Variants in ZNF704 observed in about 807,000 individuals in gnomAD.
ZNF704 encodes glucocorticoid induced gene 1.
ZNF704 carries 10 observed loss-of-function variants against 44.7 expected under a neutral mutation model. The ratio of observed to expected loss-of-function variants is 0.22; its 90% confidence interval spans 0.14 to 0.38. ZNF704 has a LOEUF of 0.38. ZNF704 is among the 10% of genes least tolerant of loss of function. The pLI is 1.00. For synonymous variants in ZNF704, 211 were observed against 207.6 expected (o/e 1.02, Z -0.14); for missense variants, 390 against 545.5 (o/e 0.71, Z 2.84).
intron 2 of ZNF704, chr8:80,776,555 A>G (rs1373884789): frequency 1.3e-5 from 2 of 152,246 alleles, no homozygotes; most frequent in African/African-American, 4.8e-5. Flanking sequence ...TAATAATAAA[A>G]AACCTGCAAA....
At chr8:80,839,860 A>AGGC (rs1409410013) in intron 1 of ZNF704, among the ~76,000 whole-genome samples, 1 of 149,532 alleles carries the variant, frequency 6.7e-6, no homozygotes, top group Non-Finnish European at 1.5e-5. Flanking sequence ...GAGAGAGAGT[A>AGGC]AATGAATACA....
chr8:80,812,938 T>C (rs903179218), intron 2 of ZNF704, among the ~76,000 whole-genome samples: 1 of 152,246 alleles, frequency 6.6e-6, no homozygotes, highest in Non-Finnish European at 1.5e-5. Flanking sequence ...AATCTCATTA[T>C]TTCTATTTCT....
chr8:80,641,319 A>G lies in ZNF704; in HGVS notation c.*47T>C, dbSNP rs762363761. 7.8e-7 allele frequency: 1 copy of G among 1,275,586 alleles called. No individual in the cohort carries two copies. The allele number at this position is 1,275,586 out of a possible 1,614,324, so 79.0% of individuals were successfully genotyped here. Reference sequence around the variant, plus strand: ...TTTCCAACACCTGCAGTGGCAGGCCAGGGCAGGAGCGGCTCAGGGCCCTGA... The same window carrying G: ...TTTCCAACACCTGCAGTGGCAGGCCGGGGCAGGAGCGGCTCAGGGCCCTGA... On this transcript the variant is annotated 3_prime_UTR_variant, in exon 9 of 9. Transcript: ENST00000327835.
intron 1 of ZNF704, among the ~76,000 whole-genome samples, chr8:80,831,800 ACTGACAGCTTC>A (rs1183660558): frequency 6.6e-6 from 1 of 152,208 alleles, no homozygotes; most frequent in Non-Finnish European, 1.5e-5. Flanking sequence ...TAGGTAAGAA[ACTGACAGCTTC>A]CTGTAGGAGA....
At chr8:80,810,559 T>C (rs974134734) in intron 2 of ZNF704, among the ~76,000 whole-genome samples, 17 of 152,180 alleles carry the variant, frequency 1.1e-4, no homozygotes, top group Admixed American at 5.2e-4. Flanking sequence ...CTTGGTATGT[T>C]TGAACTGCTC....
At chr8:80,794,876 A>G (rs111263187) in intron 2 of ZNF704, among the ~76,000 whole-genome samples, 2 of 152,238 alleles carry the variant, frequency 1.3e-5, no homozygotes, top group Non-Finnish European at 2.9e-5. Flanking sequence ...TCTGGTTTCT[A>G]TGATGCCATG....
At chr8:80,848,950 C>G (rs1354914732) in intron 1 of ZNF704, among the ~76,000 whole-genome samples, 3 of 152,092 alleles carry the variant, frequency 2.0e-5, no homozygotes, top group Non-Finnish European at 2.9e-5. Flanking sequence ...TCTGAATTTT[C>G]CACTATGCCA....
intron 1 of ZNF704, among the ~76,000 whole-genome samples, chr8:80,859,012 T>C (rs1809014088): frequency 6.6e-6 from 1 of 152,230 alleles, no homozygotes; most frequent in Non-Finnish European, 1.5e-5. Flanking sequence ...AATCTTACTT[T>C]TTGTTACCAA....
Position 80,634,207 on chromosome 8 carries a change from G to C in ZNF704, c.*7159C>G, listed in dbSNP as rs534231840. ...GCCCCTCATCACAGTGGCCACGGTA[G>C]AAAACACTAAGAAAATTAGGATAAC... On this transcript the variant is annotated 3_prime_UTR_variant, in exon 9 of 9. Transcript: ENST00000327835. The C allele has an allele frequency of 1.3e-5, 2 of 152,358 alleles. No homozygotes were observed. The highest frequency in any genetic ancestry group is 2.9e-5 in the Non-Finnish European group (2 of 68,052). The allele number at this position is 152,358 out of a possible 1,614,324, so 9.4% of individuals were successfully genotyped here.
intron 2 of ZNF704, among the ~76,000 whole-genome samples, chr8:80,790,639 C>T (rs903727613): frequency 2.0e-5 from 3 of 151,864 alleles, no homozygotes; most frequent in Admixed American, 2.0e-4. Flanking sequence ...AGTGCAAGAG[C>T]GGGAGGTGGG....
intron 2 of ZNF704, among the ~76,000 whole-genome samples, chr8:80,703,073 A>T (rs1292100602): frequency 6.6e-6 from 1 of 152,118 alleles, no homozygotes; most frequent in Non-Finnish European, 1.5e-5. Flanking sequence ...TTGCCCTCAC[A>T]TGAGACTTAA....
At chr8:80,717,762 T>C (rs1819094555) in intron 2 of ZNF704, among the ~76,000 whole-genome samples, 1 of 152,200 alleles carries the variant, frequency 6.6e-6, no homozygotes, top group South Asian at 2.1e-4. Flanking sequence ...CCTAGTGATC[T>C]TGTTGAAATG....
intron 4 of ZNF704, among the ~76,000 whole-genome samples, chr8:80,672,348 A>T (rs1010464806): frequency 2.6e-5 from 4 of 152,238 alleles, no homozygotes; most frequent in African/African-American, 9.6e-5. Flanking sequence ...CCACTGTGGA[A>T]GGCAGTTTGG....
chr8:80,714,977 T>A (rs1458204610), intron 2 of ZNF704, among the ~76,000 whole-genome samples: 1 of 152,176 alleles, frequency 6.6e-6, no homozygotes, highest in Non-Finnish European at 1.5e-5. Flanking sequence ...CAATAGTGAT[T>A]TCTAAGATTA....
intron 2 of ZNF704, among the ~76,000 whole-genome samples, chr8:80,803,757 C>G (rs929889946): frequency 2.0e-5 from 3 of 152,088 alleles, no homozygotes; most frequent in Admixed American, 6.6e-5. Flanking sequence ...CAATAACATT[C>G]AGGACATAGG....
chr8:80,802,932 G>A (rs188792176), intron 2 of ZNF704, among the ~76,000 whole-genome samples: 38 of 152,210 alleles, frequency 2.5e-4, no homozygotes, highest in African/African-American at 7.9e-4. Context: ...CCTATATCTA[G>A]AAAATCCCAT....
intron 1 of ZNF704, among the ~76,000 whole-genome samples, chr8:80,866,038 G>C (rs945999663): frequency 1.3e-5 from 2 of 152,016 alleles, no homozygotes; most frequent in Non-Finnish European, 2.9e-5. Context: ...ATTTCATCTA[G>C]TAAATAAGAG....
intron 1 of ZNF704, among the ~76,000 whole-genome samples, chr8:80,822,245 T>A (rs1263888367): frequency 6.6e-6 from 1 of 152,018 alleles, no homozygotes; most frequent in Admixed American, 6.5e-5. Context: ...ACATTAGGTA[T>A]ATCTCCTAAT....
intron 2 of ZNF704, among the ~76,000 whole-genome samples, chr8:80,770,949 G>C (rs1416901874): frequency 1.3e-5 from 2 of 152,058 alleles, no homozygotes; most frequent in South Asian, 2.1e-4. Flanking sequence ...ATATCCAATT[G>C]CTTCTCCACC....
Sources: gnomAD v4.1 joint callset for allele counts (sites outside exome capture counted in the v4.1 genomes callset) on GRCh38, gnomAD v4.1.1 for gene constraint, MANE v1.5 for transcripts, NCBI Gene and HGNC (gene_info 2026-07-23, HGNC 2026-07-21) for gene names.